ACTR3C: variants seen among roughly 807,000 people sequenced by gnomAD.
The protein encoded by ACTR3C is actin related protein 3C.
A neutral mutation model predicts 26.3 loss-of-function variants in ACTR3C; 18 were observed. The ratio of observed to expected loss-of-function variants is 0.68; its 90% CI spans 0.47 to 1.01. The LOEUF (loss-of-function observed/expected upper bound fraction) is 1.01. Ranked by LOEUF, ACTR3C falls within the 50% of genes least tolerant of loss-of-function variation. The probability of loss-of-function intolerance (pLI) is 0.00; values close to 1 mark genes in which losing one functional copy is unlikely to be tolerated. For synonymous variants in ACTR3C, 55 were observed against 94.5 expected (o/e 0.58, Z 2.42); for missense variants, 184 against 250.7 (o/e 0.73, Z 1.80).
the ACTR3C span, among the ~76,000 whole-genome samples, chr7:150,103,919 C>T: frequency 6.6e-6 from 1 of 151,962 alleles, no homozygotes; most frequent in African/African-American, 2.4e-5. Flanking sequence ...ATTGAATTAC[C>T]TTTTGTCGTT....
the ACTR3C span, among the ~76,000 whole-genome samples, chr7:150,184,346 A>G: frequency 2.0e-5 from 3 of 150,954 alleles, no homozygotes; most frequent in East Asian, 5.8e-4. Context: ...GGTCTATACA[A>G]GTATCGCACA....
the ACTR3C span, among the ~76,000 whole-genome samples, chr7:150,037,890 A>AC: frequency 1.6e-5 from 2 of 126,976 alleles, no homozygotes; most frequent in Admixed American, 7.4e-5. Context: ...AAAGGGGGGA[A>AC]GAGGGGCTCG....
the ACTR3C span, among the ~76,000 whole-genome samples, chr7:150,176,453 G>A: frequency 6.6e-6 from 1 of 150,722 alleles, no homozygotes; most frequent in Admixed American, 6.6e-5. Flanking sequence ...TTACAGCTGA[G>A]CTTTATAACA....
At chr7:150,270,519 C>G (rs1834366446) in intron 6 of ACTR3C, among the ~76,000 whole-genome samples, 2 of 148,760 alleles carry the variant, frequency 1.3e-5, no homozygotes, top group African/African-American at 5.0e-5. Context: ...ACACACCTGG[C>G]AGTCTAGAAG....
intron 6 of ACTR3C, among the ~76,000 whole-genome samples, chr7:150,257,421 C>T (rs975612506): frequency 1.2e-4 from 19 of 152,176 alleles, no homozygotes; most frequent in African/African-American, 2.7e-4. Context: ...GACCAGAGAC[C>T]GTGGTACAAG....
At chr7:150,281,824 T>C (rs1295998113) in intron 6 of ACTR3C, among the ~76,000 whole-genome samples, 1 of 149,974 alleles carries the variant, frequency 6.7e-6, no homozygotes, top group Non-Finnish European at 1.5e-5. Flanking sequence ...ACCCAGCCAC[T>C]CCTAGTCGTT....
the ACTR3C span, among the ~76,000 whole-genome samples, chr7:149,884,040 G>A: frequency 2.0e-5 from 3 of 152,164 alleles, no homozygotes; most frequent in Admixed American, 6.5e-5. Flanking sequence ...TAGGGTCCAC[G>A]CTCCCTGCAG....
chr7:150,042,947 T>C, the ACTR3C span, among the ~76,000 whole-genome samples: 6 of 150,968 alleles, frequency 4.0e-5, 1 homozygote, highest in East Asian at 9.7e-4. Context: ...AGACTCGCTG[T>C]TGTCGGGATC....
At chr7:149,882,419 G>C in the ACTR3C span, among the ~76,000 whole-genome samples, 8,637 of 152,198 alleles carry the variant, frequency 0.057, 773 homozygotes, top group African/African-American at 0.2. Context: ...AGAGCTGCTC[G>C]CTGCTCTCTG....
the ACTR3C span, among the ~76,000 whole-genome samples, chr7:150,071,898 G>A: frequency 6.8e-6 from 1 of 147,054 alleles, no homozygotes; most frequent in Non-Finnish European, 1.5e-5. Context: ...GCCATAGTGT[G>A]GAGTGGGCAG....
At chr7:150,070,201 G>A in the ACTR3C span, among the ~76,000 whole-genome samples, 2 of 152,288 alleles carry the variant, frequency 1.3e-5, no homozygotes, top group South Asian at 4.1e-4. Context: ...AGCCTGTCTG[G>A]AGGCTCTGGG....
At chr7:150,180,511 C>CTTTTTTTTTTTTTTTTT in the ACTR3C span, among the ~76,000 whole-genome samples, 3 of 125,770 alleles carry the variant, frequency 2.4e-5, no homozygotes, top group African/African-American at 6.9e-5. Flanking sequence ...AGTAGTATAT[C>CTTTTTTTTTTTTTTTTT]TTTTTTTTTT....
the ACTR3C span, among the ~76,000 whole-genome samples, chr7:150,012,481 A>AT: frequency 2.7e-5 from 4 of 150,856 alleles, no homozygotes; most frequent in Non-Finnish European, 5.9e-5. Flanking sequence ...TGCCCGGCTA[A>AT]TTTTTTTGTA....
the ACTR3C span, among the ~76,000 whole-genome samples, chr7:150,192,412 G>A: frequency 4.6e-5 from 7 of 152,050 alleles, no homozygotes; most frequent in Non-Finnish European, 7.4e-5. Flanking sequence ...GATCCTCCTG[G>A]GCTCAAGGGA....
the ACTR3C span, among the ~76,000 whole-genome samples, chr7:149,919,898 C>T: frequency 1.4e-4 from 19 of 134,104 alleles, no homozygotes; most frequent in Admixed American, 1.2e-3. Context: ...CTGAAAGATA[C>T]GACAATTAGC....
chr7:150,194,966 T>G, the ACTR3C span, among the ~76,000 whole-genome samples: 1 of 151,930 alleles, frequency 6.6e-6, no homozygotes, highest in African/African-American at 2.4e-5. Context: ...TGATGATGCG[T>G]GCCTGTAATC....
chr7:149,925,740 A>C, the ACTR3C span, among the ~76,000 whole-genome samples: 1 of 152,134 alleles, frequency 6.6e-6, no homozygotes, highest in African/African-American at 2.4e-5. Context: ...GATTTAAATG[A>C]AAAAAATGAA....
At chr7:150,244,148 A>G (rs1420059727), downstream of ACTR3C, 3 of 101,028 alleles carry the variant, frequency 3.0e-5, no homozygotes, top group Non-Finnish European at 5.6e-5. Context: ...TGAATATTCA[A>G]TATAGTCTTA....
chr7:150,295,102 A>G, intron 2 of ACTR3C, 150 bp downstream of exon 2: 1 of 935,104 alleles, frequency 1.1e-6, no homozygotes, highest in Admixed American at 2.9e-5. Flanking sequence ...CACCTTCCCT[A>G]TAGTCCTGAA....
Sources: gnomAD v4.1 joint callset for allele counts (sites outside exome capture counted in the v4.1 genomes callset) on GRCh38, gnomAD v4.1.1 for gene constraint, MANE v1.5 for transcripts, NCBI Gene and HGNC (gene_info 2026-07-23, HGNC 2026-07-21) for gene names.